PDE8A: variants seen among roughly 807,000 people sequenced by gnomAD.
PDE8A encodes phosphodiesterase 8A, also known as high affinity cAMP-specific and IBMX-insensitive 3',5'-cyclic phosphodiesterase 8A.
Under a neutral mutation model 105.0 loss-of-function variants are expected in PDE8A, and 59 were observed. The observed-to-expected ratio is 0.56, with a 90% CI of 0.46 to 0.70. The LOEUF (loss-of-function observed/expected upper bound fraction) is 0.70, where lower values mean the gene tolerates loss of function less well. PDE8A is among the 30% of genes least tolerant of loss of function. The pLI, the probability that PDE8A is intolerant of heterozygous loss-of-function variation, is 0.00. For synonymous variants in PDE8A, 355 were observed against 371.9 expected (o/e 0.95, Z 0.52); for missense variants, 1,014 against 1,045.9 (o/e 0.97, Z 0.42).
rs758221419 is a variant in PDE8A at position 85,137,886 on chromosome 15, C to T, written c.2473C>T (p.Arg825Ter). 1.1e-5 allele frequency: 17 copies of T among 1,606,212 alleles called. No individual in the cohort carries two copies. Among genetic ancestry groups the T allele is most frequent in the South Asian group, 4.4e-5 (4 of 90,910 alleles). The stretch of plus-strand genomic sequence containing the variant: ...GGACGAAATGAAGCTGCGGAACCTC[C>T]GACCACCTCCTGAATAGTGGGAGAC... ...GLDEMKLRNL[R>*]PPPE The change falls in exon 22 of 22, where the codon CGA becomes TGA. Residue 825 changes from arginine to a stop codon, truncating the protein, a stop_gained. Coordinates refer to ENST00000394553, the MANE Select transcript of PDE8A (RefSeq NM_002605.3). LOFTEE classifies it high-confidence loss of function.
intron 17 of PDE8A, among the ~76,000 whole-genome samples, chr15:85,118,589 G>T (rs887912743): frequency 7.2e-5 from 11 of 152,260 alleles, no homozygotes; most frequent in African/African-American, 2.6e-4. Flanking sequence ...ACCTCCCTCA[G>T]GATTTAAACT....
chr15:85,048,668 C>T (rs915637010), intron 1 of PDE8A, among the ~76,000 whole-genome samples: 5 of 152,202 alleles, frequency 3.3e-5, no homozygotes, highest in African/African-American at 1.2e-4. Context: ...TAAACTTGTT[C>T]ATTAAGTGCT....
At chr15:85,083,343 A>G (rs534771537) in intron 5 of PDE8A, among the ~76,000 whole-genome samples, 1 of 152,238 alleles carries the variant, frequency 6.6e-6, no homozygotes, top group Admixed American at 6.5e-5. Flanking sequence ...AGGCTACTAA[A>G]TGATAGAAGG....
intron 1 of PDE8A, among the ~76,000 whole-genome samples, chr15:85,060,437 A>T (rs535924772): frequency 3.1e-4 from 47 of 152,344 alleles, no homozygotes; most frequent in Admixed American, 1.0e-3. Context: ...ATATTTAGGA[A>T]AATAAAAATA....
At chr15:85,062,139 C>G (rs1381631343) in intron 1 of PDE8A, among the ~76,000 whole-genome samples, 1 of 152,054 alleles carries the variant, frequency 6.6e-6, no homozygotes, top group Non-Finnish European at 1.5e-5. Context: ...TTTGAATTGG[C>G]TGTACTTTCC....
At position 85,116,010 on chromosome 15, in the gene PDE8A, A is replaced by G. The variant is rs1344246813; in HGVS notation, c.1426A>G (p.Ile476Val). 1 of 1,613,456 alleles carries G rather than the reference A, an allele frequency of 6.2e-7. No homozygotes were observed. Among genetic ancestry groups the G allele is most frequent in the South Asian group, 1.1e-5 (1 of 91,068 alleles). ...KNTQMVSSNI[I>V]TPISLDDVPP... ...CACTCAAATGGTTTCAAGCAATATAATCACTCCCATCTCCCTTGATGATGT... is the reference window on the plus strand; with the variant it reads ...CACTCAAATGGTTTCAAGCAATATAGTCACTCCCATCTCCCTTGATGATGT... Residue 476 changes from isoleucine (I) to valine (V), a missense_variant, in exon 16 of 22, where the codon ATC becomes GTC. Physicochemically the swap from Ile to Val is conservative, Grantham distance 29. Coordinates refer to ENST00000394553, the MANE Select transcript of PDE8A (RefSeq NM_002605.3).
Position 85,120,993 on chromosome 15 carries a change from A to G in PDE8A, c.1931A>G (p.Asn644Ser), listed in dbSNP as rs1486199567. The stretch of plus-strand genomic sequence containing the variant: ...CTGACCACTGGAGATGATAAATGCA[A>G]TATATTTAAAAACATGGAGAGGTAA... The part of the protein sequence containing the change: ...FQLTTGDDKC[N>S]IFKNMERNDY... Residue 644 changes from asparagine to serine, a missense_variant, in exon 18 of 22, where the codon AAT (asparagine) becomes AGT (serine). By Grantham distance (46) the Asn-to-Ser change is conservative. Coordinates refer to ENST00000394553, the MANE Select transcript of PDE8A (RefSeq NM_002605.3). 2.5e-6 allele frequency: 4 copies of G among 1,610,206 alleles called. No homozygotes were observed. Among genetic ancestry groups the G allele is most frequent in the African/African-American group, 1.3e-5 (1 of 74,848 alleles).
intron 1 of PDE8A, among the ~76,000 whole-genome samples, chr15:84,994,168 C>G (rs1466860735): frequency 6.6e-6 from 1 of 152,176 alleles, no homozygotes; most frequent in Non-Finnish European, 1.5e-5. Flanking sequence ...CTTTAGCCCA[C>G]TGAGTTTTTA....
chr15:85,075,612 A>G (rs369382623), intron 3 of PDE8A, among the ~76,000 whole-genome samples: 1 of 152,240 alleles, frequency 6.6e-6, no homozygotes, highest in African/African-American at 2.4e-5. Context: ...AGTAGAATAC[A>G]TGTCATCTTA....
Position 85,115,294 on chromosome 15 carries a change from G to A in PDE8A, c.1351-145G>A, listed in dbSNP as rs898707686. The A allele has an allele frequency of 5.0e-6, 3 of 599,452 alleles. No homozygotes were observed. In the Admixed American group the frequency reaches 1.1e-4, roughly 23 times the overall value. 37.1% of individuals were successfully genotyped at this position (599,452 alleles called of 1,614,324 possible). A position where few individuals can be genotyped will look rare whatever the true frequency, so the allele number is the denominator to read the frequency against. ...CTGAGGTCAGTGGTCAATCACAGGG[G>A]TGGACCTGCTGGGCCCAGGGCAGCC... On this transcript the variant is annotated intron_variant, in intron 14 of 21. Transcript: ENST00000394553.
At chr15:85,082,155 G>A (rs1237936939) in intron 5 of PDE8A, among the ~76,000 whole-genome samples, 1 of 152,170 alleles carries the variant, frequency 6.6e-6, no homozygotes, top group Non-Finnish European at 1.5e-5. Flanking sequence ...CTTGGCTGAT[G>A]GAGGTGTGGA....
At chr15:85,091,359 A>G (rs1308781996) in intron 8 of PDE8A, among the ~76,000 whole-genome samples, 178 bp downstream of exon 8, 2 of 152,228 alleles carry the variant, frequency 1.3e-5, no homozygotes, top group African/African-American at 2.4e-5. Context: ...GGCCAAGAAA[A>G]TATATAATAT....
intron 8 of PDE8A, among the ~76,000 whole-genome samples, chr15:85,091,920 T>TTTTTA (rs2081649971): frequency 6.6e-6 from 1 of 150,972 alleles, no homozygotes; most frequent in Non-Finnish European, 1.5e-5. Context: ...TTTTTTTTTT[T>TTTTTA]TGCTTTTGGA....
chr15:84,986,244 A>G (rs1000105065), intron 1 of PDE8A, among the ~76,000 whole-genome samples: 12 of 152,134 alleles, frequency 7.9e-5, no homozygotes, highest in Non-Finnish European at 1.8e-4. Flanking sequence ...AATAATAAAT[A>G]AAAGATGTAA....
intron 11 of PDE8A, among the ~76,000 whole-genome samples, chr15:85,105,025 G>T (rs1319261652): frequency 6.6e-6 from 1 of 152,048 alleles, no homozygotes; most frequent in Non-Finnish European, 1.5e-5. Flanking sequence ...TAAGTTCTGT[G>T]GAGAAGAATA....
At chr15:85,050,853 T>C (rs2080961893) in intron 1 of PDE8A, among the ~76,000 whole-genome samples, 1 of 152,172 alleles carries the variant, frequency 6.6e-6, no homozygotes, top group Admixed American at 6.5e-5. Context: ...AAAAAACATA[T>C]TTGGGATTTT....
chr15:85,096,868 A>G (rs954554102), intron 8 of PDE8A, among the ~76,000 whole-genome samples: 4 of 152,212 alleles, frequency 2.6e-5, no homozygotes, highest in Non-Finnish European at 4.4e-5. Context: ...CTTTGATTCT[A>G]TCGGAGTATT....
chr15:85,035,732 C>T (rs927000727), intron 1 of PDE8A, among the ~76,000 whole-genome samples: 3 of 152,246 alleles, frequency 2.0e-5, no homozygotes, highest in African/African-American at 4.8e-5. Flanking sequence ...AAGAGCTATT[C>T]TCAAGGACCA....
chr15:84,989,730 G>A (rs2079856656), intron 1 of PDE8A, among the ~76,000 whole-genome samples: 1 of 152,358 alleles, frequency 6.6e-6, no homozygotes, highest in Non-Finnish European at 1.5e-5. Context: ...ACTATCGCAT[G>A]TAAGGATTGA....
Sources: gnomAD v4.1 joint callset for allele counts (sites outside exome capture counted in the v4.1 genomes callset) on GRCh38, gnomAD v4.1.1 for gene constraint, MANE v1.5 for transcripts, NCBI Gene and HGNC (gene_info 2026-07-23, HGNC 2026-07-21) for gene names.